The following CACNA2D1 variants were observed in gnomAD, a reference collection of about 807,000 sequenced individuals.
CACNA2D1 encodes calcium voltage-gated channel auxiliary subunit alpha2delta 1, also known as voltage-dependent calcium channel subunit alpha-2/delta-1.
CACNA2D1 carries 53 observed loss-of-function variants against 171.5 expected under a neutral mutation model. That is an observed-to-expected ratio of 0.31 (90% CI 0.25 to 0.39). The LOEUF (loss-of-function observed/expected upper bound fraction) is 0.39, where lower values mean the gene tolerates loss of function less well. Among genes scored for constraint, CACNA2D1 ranks in the 10% least tolerant of loss-of-function variants. CACNA2D1 has a pLI of 1.00. For missense variants in CACNA2D1, 903 were observed against 1,299.8 expected, an observed-to-expected ratio of 0.69 and a Z score of 4.69; for synonymous variants, 442 against 443.1, an observed-to-expected ratio of 1.00 and a Z score of 0.03.
intron 14 of CACNA2D1, 113 bp downstream of exon 14, chr7:82,013,348 A>G (rs1429836913): frequency 6.2e-6 from 2 of 324,660 alleles, no homozygotes; most frequent in East Asian, 1.5e-4. Flanking sequence ...ATATAGGTGT[A>G]ATATTATAGA....
intron 3 of CACNA2D1, among the ~76,000 whole-genome samples, chr7:82,259,306 A>G (rs1806775099): frequency 6.6e-6 from 1 of 152,218 alleles, no homozygotes; most frequent in African/African-American, 2.4e-5. Context: ...ACCATTATGT[A>G]TGGTCTCAAC....
chr7:82,122,739 T>C (rs1400761709), intron 5 of CACNA2D1, among the ~76,000 whole-genome samples: 1 of 152,194 alleles, frequency 6.6e-6, no homozygotes, highest in African/African-American at 2.4e-5. Flanking sequence ...AGTCTGAAAG[T>C]TCAACATAGC....
At chr7:82,176,730 T>C (rs1796573669) in intron 3 of CACNA2D1, among the ~76,000 whole-genome samples, 1 of 151,838 alleles carries the variant, frequency 6.6e-6, no homozygotes, top group Non-Finnish European at 1.5e-5. Context: ...TGTTTGCTTC[T>C]ATTCAATAAA....
At chr7:82,139,823 C>T (rs961329488) in intron 4 of CACNA2D1, among the ~76,000 whole-genome samples, 6 of 149,822 alleles carry the variant, frequency 4.0e-5, no homozygotes, top group African/African-American at 7.4e-5. Context: ...CTCGCTCTAT[C>T]GCCCAGGCTG....
At chr7:82,060,222 A>ATTAT (rs1491236236) in intron 10 of CACNA2D1, among the ~76,000 whole-genome samples, 5 of 58,766 alleles carry the variant, frequency 8.5e-5, no homozygotes, top group African/African-American at 3.3e-4. Context: ...ATATATATAT[A>ATTAT]ATATATATAT....
At chr7:82,210,394 C>CTTGGA (rs1800435476) in intron 3 of CACNA2D1, among the ~76,000 whole-genome samples, 2 of 152,142 alleles carry the variant, frequency 1.3e-5, no homozygotes, top group Non-Finnish European at 2.9e-5. Context: ...CTTCAGGTCT[C>CTTGGA]TTGGATTGGA....
intron 12 of CACNA2D1, among the ~76,000 whole-genome samples, chr7:82,017,286 A>G (rs1800611679): frequency 6.6e-6 from 1 of 152,124 alleles, no homozygotes; most frequent in Admixed American, 6.6e-5. Flanking sequence ...CTTTGACAGT[A>G]AAAAATCAAT....
chr7:82,126,865 CCA>C (rs1227384045), intron 5 of CACNA2D1, among the ~76,000 whole-genome samples: 1 of 152,120 alleles, frequency 6.6e-6, no homozygotes, highest in Non-Finnish European at 1.5e-5. Flanking sequence ...GCTGCAACAC[CCA>C]AATAAAGCTT....
chr7:82,094,040 C>T (rs1811557639), intron 6 of CACNA2D1, among the ~76,000 whole-genome samples: 1 of 152,060 alleles, frequency 6.6e-6, no homozygotes, highest in Admixed American at 6.6e-5. Context: ...AACAAGGCTC[C>T]TGGGGACAAG....
intron 10 of CACNA2D1, among the ~76,000 whole-genome samples, chr7:82,053,251 C>CAA (rs4019049): frequency 0.79 from 91,164 of 115,618 alleles, 36,810 homozygotes; most frequent in Non-Finnish European, 0.88. Context: ...GACTCCGTCT[C>CAA]AAAAAAAAAA....
chr7:82,278,557 T>TAA (rs59630150), intron 3 of CACNA2D1, among the ~76,000 whole-genome samples: 389 of 107,748 alleles, frequency 3.6e-3, no homozygotes, highest in African/African-American at 0.011. Flanking sequence ...GACTCTGTCT[T>TAA]AAAAAAAAAA....
At chr7:81,972,894 T>G (rs1356867015) in intron 25 of CACNA2D1, among the ~76,000 whole-genome samples, 1 of 152,010 alleles carries the variant, frequency 6.6e-6, no homozygotes, top group Non-Finnish European at 1.5e-5. Context: ...GATTAAAGGA[T>G]CAATGTAATC....
chr7:82,263,102 CTT>C (rs759968270), intron 3 of CACNA2D1, among the ~76,000 whole-genome samples: 4 of 107,988 alleles, frequency 3.7e-5, no homozygotes, highest in South Asian at 3.2e-4. Context: ...CATAACACCA[CTT>C]TTTTTTTTTT....
intron 25 of CACNA2D1, among the ~76,000 whole-genome samples, chr7:81,972,265 TTA>T (rs1454001184): frequency 6.6e-6 from 1 of 151,212 alleles, no homozygotes; most frequent in Non-Finnish European, 1.5e-5. Context: ...TATATAAAAT[TTA>T]TATATATAGA....
intron 1 of CACNA2D1, among the ~76,000 whole-genome samples, chr7:82,428,630 C>G (rs13239493): frequency 0.35 from 53,449 of 152,054 alleles, 11,256 homozygotes; most frequent in South Asian, 0.58. Context: ...AGAACTAACA[C>G]TTTTCACCCT....
intron 3 of CACNA2D1, among the ~76,000 whole-genome samples, chr7:82,301,463 G>A (rs1242690580): frequency 2.6e-5 from 4 of 151,994 alleles, no homozygotes; most frequent in South Asian, 4.2e-4. Context: ...ATGTCTTAGG[G>A]TGATCATTTT....
intron 3 of CACNA2D1, among the ~76,000 whole-genome samples, chr7:82,238,936 CA>C (rs1803924560): frequency 6.6e-6 from 1 of 151,886 alleles, no homozygotes; most frequent in African/African-American, 2.4e-5. Flanking sequence ...ATATCTGACC[CA>C]AGATAGATAT....
chr7:81,992,678 G>T (rs1039051381), intron 20 of CACNA2D1, among the ~76,000 whole-genome samples: 7 of 152,106 alleles, frequency 4.6e-5, no homozygotes, highest in African/African-American at 1.4e-4. Flanking sequence ...TTATAATCTT[G>T]TTCAGTCTTC....
At chr7:82,290,304 T>A (rs931643601) in intron 3 of CACNA2D1, among the ~76,000 whole-genome samples, 3 of 152,138 alleles carry the variant, frequency 2.0e-5, no homozygotes, top group Admixed American at 6.5e-5. Flanking sequence ...TAATTGTTGT[T>A]ATTTTAATTT....
Sources: gnomAD v4.1 joint callset for allele counts (sites outside exome capture counted in the v4.1 genomes callset) on GRCh38, gnomAD v4.1.1 for gene constraint, MANE v1.5 for transcripts, NCBI Gene and HGNC (gene_info 2026-07-23, HGNC 2026-07-21) for gene names.